Variants in GAK observed in about 807,000 individuals in gnomAD.
GAK encodes cyclin G associated kinase.
In GAK, 79 loss-of-function variants were observed where a neutral mutation model predicts 143.9. The ratio of observed to expected loss-of-function variants is 0.55; its 90% CI spans 0.46 to 0.66. The LOEUF (loss-of-function observed/expected upper bound fraction) is 0.66, where lower values mean the gene tolerates loss of function less well. Among genes scored for constraint, GAK ranks in the 30% least tolerant of loss-of-function variants. GAK has a pLI of 0.00. For missense variants in GAK, 1,693 were observed against 1,779.7 expected (o/e 0.95, Z 0.88); for synonymous variants, 881 against 765.5 (o/e 1.15, Z -2.49).
intron 24 of GAK, among the ~76,000 whole-genome samples, chr4:857,340 A>G (rs1412389126): frequency 6.6e-6 from 1 of 152,208 alleles, no homozygotes; most frequent in East Asian, 1.9e-4. Flanking sequence ...CGTAAAATCA[A>G]TTAGAAAGTG....
rs755614611 is a variant in GAK at position 896,509 on chromosome 4, A to T, written c.692T>A (p.Ile231Asn). ...CGGGAAGTTGGAATACAAGTCTATG[A>T]TTTCTGGTGTTCTATACATTGGTGT... ...NTTPMYRTPE[I>N]IDLYSNFPIG... The change falls in exon 7 of 28, where the codon ATC becomes AAC. Residue 231 changes from isoleucine to asparagine, a missense_variant. Ile to Asn is a moderately radical substitution (Grantham distance 149). This residue lies in a region of GAK where 871 missense variants were observed against 991.0 expected (regional missense o/e 0.88). Coordinates refer to ENST00000314167, the MANE Select transcript of GAK (RefSeq NM_005255.4). 8 of 1,614,086 alleles carry T rather than the reference A, an allele frequency of 5.0e-6. No homozygotes were observed. In the Admixed American group the frequency reaches 1.3e-4, roughly 27 times the overall value.
At position 893,920 on chromosome 4, in the gene GAK, C is replaced by T. The variant is rs181152973; in HGVS notation, c.831G>A (p.Ser277=). The T allele has an allele frequency of 1.2e-4, 194 of 1,612,260 alleles. No homozygotes were observed. The highest frequency in any genetic ancestry group is 6.6e-4 in the Middle Eastern group (4 of 6,054). The part of the protein sequence containing the change: ...AKLRIVNGKY[S]IPPHDTQYTV... Reference sequence around the variant, plus strand: ...TGTACTGCGTGTCGTGCGGGGGGATCGAGTACTTCCCATTGACTATTCGAA... The same window carrying T: ...TGTACTGCGTGTCGTGCGGGGGGATTGAGTACTTCCCATTGACTATTCGAA... The change falls in exon 8 of 28, where the codon TCG becomes TCA. Residue 277 remains serine, a synonymous_variant. Coordinates refer to ENST00000314167, the MANE Select transcript of GAK (RefSeq NM_005255.4).
At position 849,620 on chromosome 4, in the gene GAK, C is replaced by T; in HGVS notation, c.*53G>A. ...GTCCTCACGGTGGGGACCCAGGTCC[C>T]ACGACGGCTCCCAACCTGTGGAGCT... On this transcript the variant is annotated 3_prime_UTR_variant, in exon 28 of 28. Coordinates refer to ENST00000314167, the MANE Select transcript of GAK (RefSeq NM_005255.4). 6.9e-7 allele frequency: 1 copy of T among 1,447,324 alleles called. No individual in the cohort carries two copies. The highest frequency in any genetic ancestry group is 9.6e-7 in the Non-Finnish European group (1 of 1,041,952). 89.7% of individuals were successfully genotyped at this position (1,447,324 alleles called of 1,614,324 possible). A position where few individuals can be genotyped will look rare whatever the true frequency, so the allele number is the denominator to read the frequency against.
At chr4:889,876 C>G (rs1424160854) in intron 10 of GAK, among the ~76,000 whole-genome samples, 1 of 152,234 alleles carries the variant, frequency 6.6e-6, no homozygotes, top group African/African-American at 2.4e-5. Context: ...TCCTCACCAG[C>G]TGAGGGCCCT....
intron 19 of GAK, chr4:869,200 A>ACACAG (rs1711799590): frequency 8.2e-6 from 1 of 121,550 alleles, no homozygotes; most frequent in African/African-American, 3.1e-5. Context: ...ACATGAATGC[A>ACACAG]CACACAGATG....
At chr4:852,526 A>G (rs1577026274) in intron 24 of GAK, 3 of 154,468 alleles carry the variant, frequency 1.9e-5, no homozygotes, top group East Asian at 1.9e-4. Flanking sequence ...TTCAAGCTCC[A>G]CCTCCCGGAT....
chr4:856,131 CCTGCTCACCACAG>C (rs1010867549), intron 24 of GAK, among the ~76,000 whole-genome samples: 6 of 152,150 alleles, frequency 3.9e-5, no homozygotes, highest in East Asian at 3.9e-4. Flanking sequence ...TGGGACCACA[CCTGCTCACCACAG>C]CTGCTCACCA....
chr4:857,230 G>C (rs538484301), intron 24 of GAK, among the ~76,000 whole-genome samples: 1 of 152,158 alleles, frequency 6.6e-6, no homozygotes, highest in South Asian at 2.1e-4. Flanking sequence ...CTGAAGTTTG[G>C]TTGAGGATCT....
Position 883,387 on chromosome 4 carries a change from G to A in GAK, c.1332C>T (p.Ser444=). Residue 444 remains serine (S), a synonymous_variant, in exon 13 of 28, where the codon TCC becomes TCT. Transcript: ENST00000314167. ...AGACGGCATAGTGCCCTGGGTGCTT[G>A]GAGTCCAGGAACAACCGCACATCTT... ...NIEDVRLFLD[S]KHPGHYAVYN... is the part of the protein sequence containing the mutation. 2 of 1,613,794 alleles carry A rather than the reference G, an allele frequency of 1.2e-6. No homozygotes were observed. Among genetic ancestry groups the A allele is most frequent in the Non-Finnish European group, 1.7e-6 (2 of 1,179,982 alleles).
In GAK at chr4:876,581, T is replaced by C. The variant is rs1385153850; in HGVS notation, c.2003A>G (p.Gln668Arg). 6.2e-7 allele frequency: 1 copy of C among 1,614,162 alleles called. No homozygotes were observed. The highest frequency in any genetic ancestry group is 8.5e-7 in the Non-Finnish European group (1 of 1,180,024). Reference sequence around the variant, plus strand: ...CCGAGGCACAAACCCCGTGTGGAACTGAATCTGGAACATCTTCATGGATGC... The same window carrying C: ...CCGAGGCACAAACCCCGTGTGGAACCGAATCTGGAACATCTTCATGGATGC... Reference protein sequence around the residue: ...KMASMKMFQIQFHTGFVPRNA... With the variant: ...KMASMKMFQIRFHTGFVPRNA... The change falls in exon 18 of 28, where the codon CAG (glutamine) becomes CGG (arginine). Residue 668 changes from glutamine (Q) to arginine (R), a missense_variant. Around this residue, in one of 2 missense-constraint regions of GAK, gnomAD observed 871 missense variants for 991.0 expected, o/e 0.88. Transcript: ENST00000314167.
In GAK at chr4:881,939, G is replaced by A. The variant is rs767119217; in HGVS notation, c.1629C>T (p.Arg543=). ...EAAVYMFSMK[R]CPPGIWPSHK... is the part of the protein sequence containing the mutation. ...GGGATGGCCAGATGCCTGGTGGGCAGCGCTTCATGCTGAACATGTACACGG... is the reference window on the plus strand; with the variant it reads ...GGGATGGCCAGATGCCTGGTGGGCAACGCTTCATGCTGAACATGTACACGG... The change falls in exon 15 of 28, where the codon CGC becomes CGT. Residue 543 remains arginine (R), a synonymous_variant. Coordinates refer to ENST00000314167, the MANE Select transcript of GAK (RefSeq NM_005255.4). 6.3e-7 allele frequency: 1 copy of A among 1,594,342 alleles called. No individual in the cohort carries two copies. The highest frequency in any genetic ancestry group is 8.5e-7 in the Non-Finnish European group (1 of 1,170,234).
At chr4:914,532 G>A (rs570650433) in intron 1 of GAK, among the ~76,000 whole-genome samples, 2 of 46,628 alleles carry the variant, frequency 4.3e-5, no homozygotes, top group Non-Finnish European at 7.7e-5. Context: ...CAGCGTGCAC[G>A]GCCACACACA....
At chr4:897,255 G>A (rs1240199817) in intron 6 of GAK, among the ~76,000 whole-genome samples, 2 of 152,204 alleles carry the variant, frequency 1.3e-5, no homozygotes, top group African/African-American at 4.8e-5. Context: ...GCAGGACAGC[G>A]CACGGCCTTG....
intron 7 of GAK, among the ~76,000 whole-genome samples, chr4:895,883 C>T (rs1718673023): frequency 6.6e-6 from 1 of 152,182 alleles, no homozygotes; most frequent in Admixed American, 6.5e-5. Context: ...GCACAACAAG[C>T]CATGGACGGG....
chr4:869,294 A>C (rs1272369018), intron 19 of GAK: 1 of 139,458 alleles, frequency 7.2e-6, no homozygotes, highest in Non-Finnish European at 1.5e-5. Flanking sequence ...ACAGATGCAC[A>C]GTACACATGA....
intron 11 of GAK, chr4:887,371 A>G: frequency 6.7e-6 from 1 of 150,092 alleles, no homozygotes; most frequent in African/African-American, 2.5e-5. Flanking sequence ...ACATGTGCAC[A>G]CAGCTCAGGC....
At chr4:858,447 C>T (rs1468537618) in intron 24 of GAK, among the ~76,000 whole-genome samples, 2 of 152,154 alleles carry the variant, frequency 1.3e-5, no homozygotes, top group Non-Finnish European at 2.9e-5. Context: ...CCAGTGCCGG[C>T]TGCCCAGGGC....
chr4:899,010 C>T lies in GAK; in HGVS notation c.526-852G>A, dbSNP rs533464234. 6.6e-5 allele frequency among the ~76,000 whole-genome samples: 10 copies of T among 152,362 alleles called. No individual in the cohort carries two copies. The East Asian group carries it at 1.7e-3, about 26-fold the overall frequency. ...TCCAGCGAGTGCTGCTGAGAAGCCA[C>T]GGACGCCAGAGGCTGCACGCGTGAC... On this transcript the variant is annotated intron_variant, in intron 5 of 27. Coordinates refer to ENST00000314167, the MANE Select transcript of GAK (RefSeq NM_005255.4).
At chr4:860,417 T>G (rs947429723) in intron 23 of GAK, among the ~76,000 whole-genome samples, 6 of 150,716 alleles carry the variant, frequency 4.0e-5, no homozygotes, top group African/African-American at 1.5e-4. Context: ...AGGCTCTTCA[T>G]GTATAAAGAG....
Sources: gnomAD v4.1 joint callset for allele counts (sites outside exome capture counted in the v4.1 genomes callset) on GRCh38, gnomAD v4.1.1 for gene constraint, gnomAD v4.1.1 regional missense constraint, MANE v1.5 for transcripts, NCBI Gene and HGNC (gene_info 2026-07-23, HGNC 2026-07-21) for gene names.